ACCS: variants seen among roughly 807,000 people sequenced by gnomAD.
The protein encoded by ACCS is 1-aminocyclopropane-1-carboxylate synthase homolog (inactive).
Under a neutral mutation model 59.8 loss-of-function variants are expected in ACCS, and 42 were observed. That is an observed-to-expected ratio of 0.70 (90% CI 0.55 to 0.91). The LOEUF (loss-of-function observed/expected upper bound fraction) is 0.91, where lower values mean the gene tolerates loss of function less well. Ranked by LOEUF, ACCS falls within the 40% of genes least tolerant of loss-of-function variation. The probability of loss-of-function intolerance (pLI) is 0.00; values close to 1 mark genes in which losing one functional copy is unlikely to be tolerated. For synonymous variants in ACCS, 230 were observed against 240.3 expected (o/e 0.96, Z 0.40); for missense variants, 602 against 630.4 (o/e 0.95, Z 0.48).
intron 7 of ACCS, 78 bp from the exon 8 acceptor site, chr11:44,077,767 A>T (rs763300645): frequency 6.5e-6 from 10 of 1,548,694 alleles, no homozygotes; most frequent in Non-Finnish European, 8.7e-6. Flanking sequence ...AGGGGAGGAG[A>T]GGCCTGAGAG....
chr11:44,084,044 T>C lies in ACCS; in HGVS notation c.*252T>C. The stretch of plus-strand genomic sequence containing the variant: ...CCATATGTCTCCATTGTGAGTTATT[T>C]AGAATGGAGGAGTCGTGACTGCTTC... On this transcript the variant is annotated 3_prime_UTR_variant, in exon 15 of 15. Transcript: ENST00000263776. The C allele has an allele frequency of 1.5e-6, 1 of 667,814 alleles. No homozygotes were observed. The highest frequency in any genetic ancestry group is 2.3e-6 in the Non-Finnish European group (1 of 437,674). The allele number at this position is 667,814 out of a possible 1,614,324, so 41.4% of individuals were successfully genotyped here. A position where few individuals can be genotyped will look rare whatever the true frequency, so the allele number is the denominator to read the frequency against.
At chr11:44,082,925 G>A (rs978238907) in intron 12 of ACCS, among the ~76,000 whole-genome samples, 1 of 152,070 alleles carries the variant, frequency 6.6e-6, no homozygotes, top group African/African-American at 2.4e-5. Context: ...TTGCGCTGAG[G>A]GGGTGTGGGA....
rs1953032244 is a variant in ACCS at position 44,071,199 on chromosome 11, C to A, written c.289-57C>A. 5.0e-6 allele frequency: 8 copies of A among 1,589,744 alleles called. No homozygotes were observed. In the South Asian group the frequency reaches 5.5e-5, roughly 11 times the overall value. ...TTGCTGCCTCCATGGGCTCCTGGGG[C>A]CTTTCACTGGCACCCCCCTGCCATG... On this transcript the variant is annotated intron_variant, in intron 2 of 14. Coordinates refer to ENST00000263776, the MANE Select transcript of ACCS (RefSeq NM_032592.4).
At chr11:44,070,330 T>C (rs1232640084) in intron 2 of ACCS, among the ~76,000 whole-genome samples, 1 of 151,978 alleles carries the variant, frequency 6.6e-6, no homozygotes. Context: ...CAAGAAATGA[T>C]GGTGGCTTAT....
In ACCS at chr11:44,083,833, G is replaced by T. The variant is rs1172749217; in HGVS notation, c.*41G>T. The T allele has an allele frequency of 6.4e-7, 1 of 1,561,306 alleles. No individual in the cohort carries two copies. Among genetic ancestry groups the T allele is most frequent in the South Asian group, 1.2e-5 (1 of 85,160 alleles). On this transcript the variant is annotated 3_prime_UTR_variant, in exon 15 of 15. Coordinates refer to ENST00000263776, the MANE Select transcript of ACCS (RefSeq NM_032592.4). ...GTGGCCAGAGGGCCCAGCAGCCACT[G>T]TGGACCTGGGGCGTTCTGGGGCTGC...
At chr11:44,082,413 C>T (rs1000340742) in intron 12 of ACCS, among the ~76,000 whole-genome samples, 1 of 152,180 alleles carries the variant, frequency 6.6e-6, no homozygotes, top group Non-Finnish European at 1.5e-5. Flanking sequence ...GATGCACAAA[C>T]CATGGCCCAT....
intron 6 of ACCS, 97 bp downstream of exon 6, chr11:44,075,689 G>C (rs754758487): frequency 2.1e-6 from 3 of 1,418,012 alleles, no homozygotes; most frequent in Non-Finnish European, 2.9e-6. Flanking sequence ...GTATGCTTTC[G>C]GGCACAATAG....
At position 44,083,710 on chromosome 11, in the gene ACCS, A is replaced by G. The variant is rs2134909475; in HGVS notation, c.1424A>G (p.Gln475Arg). 6.2e-7 allele frequency: 1 copy of G among 1,614,194 alleles called. No homozygotes were observed. Among genetic ancestry groups the G allele is most frequent in the Non-Finnish European group, 8.5e-7 (1 of 1,180,018 alleles). ...CCCTTCCCAGGGATGCAGAGGGTCC[A>G]GCAGGTGCTTGCAGGCAAATCCCAA... ...HRLCLGMQRVQQVLAGKSQVA... is the reference protein window; with the variant it reads ...HRLCLGMQRVRQVLAGKSQVA... The change falls in exon 15 of 15, where the codon CAG (glutamine) becomes CGG (arginine). Residue 475 changes from glutamine (Q) to arginine (R), a missense_variant. By Grantham distance (43) the Gln-to-Arg change is conservative. Transcript: ENST00000263776.
In ACCS at chr11:44,081,184, C is replaced by A; in HGVS notation, c.975C>A (p.Phe325Leu). 1 of 1,614,220 alleles carries A rather than the reference C, an allele frequency of 6.2e-7. No individual in the cohort carries two copies. Among genetic ancestry groups the A allele is most frequent in the Non-Finnish European group, 8.5e-7 (1 of 1,180,044 alleles). Residue 325 changes from phenylalanine (F) to leucine (L), a missense_variant, in exon 12 of 15, where the codon TTC becomes TTA. Coordinates refer to ENST00000263776, the MANE Select transcript of ACCS (RefSeq NM_032592.4). ...THVMWATSKD[F>L]GMSGLRFGTL... The stretch of plus-strand genomic sequence containing the variant: ...TAGGGTGCTTCTTCCTGCAGGACTT[C>A]GGGATGTCTGGGCTCCGCTTTGGCA...
intron 2 of ACCS, among the ~76,000 whole-genome samples, chr11:44,069,620 C>T (rs968338806): frequency 6.6e-6 from 1 of 152,186 alleles, no homozygotes; most frequent in Non-Finnish European, 1.5e-5. Context: ...GACTTGGGGC[C>T]AAGGGATTGG....
intron 10 of ACCS, 147 bp from the exon 11 acceptor site, chr11:44,080,873 G>A: frequency 1.0e-6 from 1 of 952,624 alleles, no homozygotes; most frequent in Non-Finnish European, 1.6e-6. Flanking sequence ...AGGATGCATG[G>A]GAATGGGTGG....
Position 44,073,200 on chromosome 11 carries a change from G to C in ACCS, c.349-247G>C, listed in dbSNP as rs1167860809. 3.3e-5 allele frequency: 18 copies of C among 546,932 alleles called. No individual in the cohort carries two copies. In the East Asian group the frequency reaches 4.8e-4, roughly 14 times the overall value. The allele number at this position is 546,932 out of a possible 1,614,324, so 33.9% of individuals were successfully genotyped here. A position where few individuals can be genotyped will look rare whatever the true frequency, so the allele number is the denominator to read the frequency against. On this transcript the variant is annotated intron_variant, in intron 3 of 14. Transcript: ENST00000263776. ...TGTTGTATAAAGAATGCCAGACTAG[G>C]AGTCAAAAATTTTGGGTTTTTGTCT...
At chr11:44,081,089 G>T (rs1218784904) in intron 11 of ACCS, 24 bp downstream of exon 11, 1 of 1,614,230 alleles carries the variant, frequency 6.2e-7, no homozygotes, top group Admixed American at 1.7e-5. Flanking sequence ...TGGCCTTGGG[G>T]GTGTCAGAAG....
Position 44,084,219 on chromosome 11 carries a change from A to C in ACCS, c.*427A>C, listed in dbSNP as rs1025922657. 6 of 171,912 alleles carry C rather than the reference A, an allele frequency of 3.5e-5. No individual in the cohort carries two copies. The highest frequency in any genetic ancestry group is 1.2e-4 in the African/African-American group (5 of 41,776). The allele number at this position is 171,912 out of a possible 1,614,324, so 10.6% of individuals were successfully genotyped here. On this transcript the variant is annotated 3_prime_UTR_variant, in exon 15 of 15. Transcript: ENST00000263776. Reference sequence around the variant, plus strand: ...CAGGAGAGTTTGTAGAAAAATAAAAAAAAGTGATAACTTCCAAACTCCGAG... The same window carrying C: ...CAGGAGAGTTTGTAGAAAAATAAAACAAAGTGATAACTTCCAAACTCCGAG...
chr11:44,079,256 G>A (rs749401556), intron 9 of ACCS: 14 of 436,610 alleles, frequency 3.2e-5, no homozygotes, highest in Non-Finnish European at 5.4e-5. Context: ...TCTCCGACTC[G>A]AGCCCTTGTG....
chr11:44,079,202 T>TA, intron 9 of ACCS: 1 of 395,494 alleles, frequency 2.5e-6, no homozygotes, highest in Non-Finnish European at 4.7e-6. Context: ...CACTGAGCCT[T>TA]AGAGTGGTCA....
chr11:44,084,069 C>G lies in ACCS; in HGVS notation c.*277C>G. The G allele has an allele frequency of 2.2e-6, 1 of 452,082 alleles. No individual in the cohort carries two copies. Among genetic ancestry groups the G allele is most frequent in the Non-Finnish European group, 3.6e-6 (1 of 274,054 alleles). 28.0% of individuals were successfully genotyped at this position (452,082 alleles called of 1,614,324 possible). A position where few individuals can be genotyped will look rare whatever the true frequency, so the allele number is the denominator to read the frequency against. On this transcript the variant is annotated 3_prime_UTR_variant, in exon 15 of 15. Transcript: ENST00000263776. ...TAGAATGGAGGAGTCGTGACTGCTT[C>G]TAACCAGAGCCTCAGCCCCCCTGAG...
At chr11:44,074,734 C>CTCTTTCTTTCTTTCTCTTTCTTTCTT (rs1953230330) in intron 5 of ACCS, 53 bp downstream of exon 5, 1 of 539,708 alleles carries the variant, frequency 1.9e-6, no homozygotes, top group African/African-American at 3.7e-5. Context: ...CCCTCTCCAT[C>CTCTTTCTTTCTTTCTCTTTCTTTCTT]TCTTTCTTTC....
intron 9 of ACCS, 118 bp from the exon 10 acceptor site, chr11:44,079,413 T>C: frequency 1.4e-6 from 1 of 733,254 alleles, no homozygotes. Context: ...AAAACAAGTT[T>C]GGTAACCCCG....
Sources: allele counts gnomAD v4.1 joint callset (sites outside exome capture counted in the v4.1 genomes callset), GRCh38; gene constraint gnomAD v4.1.1; transcripts MANE v1.5; gene names NCBI Gene and HGNC (gene_info 2026-07-23, HGNC 2026-07-21).